The following GPBP1L1 variants were observed in gnomAD, a reference collection of about 807,000 sequenced individuals.
GPBP1L1 encodes GC-rich promoter binding protein 1 like 1.
In GPBP1L1, 23 loss-of-function variants were observed where a neutral mutation model predicts 52.5. The observed-to-expected ratio is 0.44, with a 90% CI of 0.32 to 0.62. The LOEUF (loss-of-function observed/expected upper bound fraction) is 0.62, where lower values mean the gene tolerates loss of function less well. GPBP1L1 is among the 20% of genes least tolerant of loss of function. The pLI, the probability that GPBP1L1 is intolerant of heterozygous loss-of-function variation, is 0.06. For missense variants in GPBP1L1, 596 were observed against 579.3 expected, an observed-to-expected ratio of 1.03 and a Z score of -0.30; for synonymous variants, 243 against 203.1, an observed-to-expected ratio of 1.20 and a Z score of -1.67.
In GPBP1L1 at chr1:45,686,473, T is replaced by G. The variant is rs1279154860; in HGVS notation, c.-1204A>C. The stretch of plus-strand genomic sequence containing the variant: ...TGCGTCTGAGGACGCGTCCCCAGCT[T>G]GTCGACCCGGCAGAGGCGGCTAGTC... On this transcript the variant is annotated 5_prime_UTR_variant, in exon 1 of 13. Transcript: ENST00000355105. 6.6e-6 allele frequency: 1 copy of G among 152,338 alleles called. No homozygotes were observed. Among genetic ancestry groups the G allele is most frequent in the African/African-American group, 2.4e-5 (1 of 41,460 alleles). The allele number at this position is 152,338 out of a possible 1,614,324, so 9.4% of individuals were successfully genotyped here. A position where few individuals can be genotyped will look rare whatever the true frequency, so the allele number is the denominator to read the frequency against.
intron 10 of GPBP1L1, chr1:45,630,822 C>CA (rs1489782973): frequency 3.8e-6 from 2 of 532,286 alleles, no homozygotes; most frequent in Non-Finnish European, 3.4e-6. Context: ...GAACAGCCAA[C>CA]ACAATACTGA....
intron 2 of GPBP1L1, among the ~76,000 whole-genome samples, chr1:45,674,549 A>G (rs1413884683): frequency 6.6e-6 from 1 of 152,206 alleles, no homozygotes; most frequent in Non-Finnish European, 1.5e-5. Flanking sequence ...TCAACTTTAC[A>G]ATATTGTGAG....
At chr1:45,638,281 T>C (rs1222724052) in intron 8 of GPBP1L1, among the ~76,000 whole-genome samples, 1 of 152,214 alleles carries the variant, frequency 6.6e-6, no homozygotes, top group African/African-American at 2.4e-5. Context: ...ACTGCCTATA[T>C]TCTATCTAGT....
rs143740815 is a variant in GPBP1L1 at position 45,640,397 on chromosome 1, G to A, written c.557C>T (p.Pro186Leu). The A allele has an allele frequency of 2.8e-4, 451 of 1,613,266 alleles. No homozygotes were observed. The highest frequency in any genetic ancestry group is 3.2e-4 in the Non-Finnish European group (374 of 1,179,762). Residue 186 changes from proline to leucine, a missense_variant, in exon 8 of 13, where the codon CCG becomes CTG. Coordinates refer to ENST00000355105, the MANE Select transcript of GPBP1L1 (RefSeq NM_021639.5). ...IGTPSGVWEN[P>L]PSAKQPSKML... is the part of the protein sequence containing the mutation. ...CTTGGAGGGTTGCTTGGCACTAGGC[G>A]GGTTTTCTGTGAAGTACAAGAGTGG...
chr1:45,651,466 T>C, intron 6 of GPBP1L1: 2 of 435,920 alleles, frequency 4.6e-6, no homozygotes, highest in South Asian at 4.7e-5. Context: ...GCTGGCAGCT[T>C]TCTTCTCAGC....
At chr1:45,637,541 T>TTTTTTTTTTTTTTTTTTTTTTTTTTG (rs1557696882) in intron 8 of GPBP1L1, among the ~76,000 whole-genome samples, 6 of 149,430 alleles carry the variant, frequency 4.0e-5, no homozygotes, top group South Asian at 2.1e-4. Flanking sequence ...GCCTTTATAT[T>TTTTTTTTTTTTTTTTTTTTTTTTTTG]AGTTTTCCAA....
rs1466854136 is a variant in GPBP1L1 at position 45,660,326 on chromosome 1, T to C, written c.-198A>G. 1 of 985,306 alleles carries C rather than the reference T, an allele frequency of 1.0e-6. No individual in the cohort carries two copies. The highest frequency in any genetic ancestry group is 1.2e-6 in the Non-Finnish European group (1 of 829,912). 61.0% of individuals were successfully genotyped at this position (985,306 alleles called of 1,614,324 possible). A position where few individuals can be genotyped will look rare whatever the true frequency, so the allele number is the denominator to read the frequency against. ...TGAAGCACGAAGAAGCCAGGTTCTG[T>C]GTCGATCACTCTCTCAGTCCCCTCA... On this transcript the variant is annotated 5_prime_UTR_variant, in exon 3 of 13. Transcript: ENST00000355105.
chr1:45,665,511 G>C (rs187044051), intron 2 of GPBP1L1, among the ~76,000 whole-genome samples: 94 of 152,218 alleles, frequency 6.2e-4, no homozygotes, highest in Non-Finnish European at 3.2e-4. Context: ...AGCACTTTGA[G>C]AGTCTGAGGC....
At chr1:45,679,623 A>T (rs116294600) in intron 2 of GPBP1L1, among the ~76,000 whole-genome samples, 3,715 of 152,302 alleles carry the variant, frequency 0.024, 59 homozygotes, top group Middle Eastern at 0.061. Context: ...TAAACAGACA[A>T]AAGAAACAAC....
chr1:45,662,989 T>G (rs1206452637), intron 2 of GPBP1L1, among the ~76,000 whole-genome samples: 1 of 140,990 alleles, frequency 7.1e-6, no homozygotes, highest in South Asian at 2.2e-4. Context: ...AGGCGGAGGT[T>G]ACAGTGAGCC....
intron 2 of GPBP1L1, among the ~76,000 whole-genome samples, chr1:45,683,027 T>C (rs1008169865): frequency 1.3e-5 from 2 of 151,032 alleles, no homozygotes; most frequent in Admixed American, 6.6e-5. Flanking sequence ...TGAACAACCA[T>C]AAATACACCA....
chr1:45,670,879 G>A (rs1569869081), intron 2 of GPBP1L1, among the ~76,000 whole-genome samples: 1 of 137,942 alleles, frequency 7.2e-6, no homozygotes, highest in African/African-American at 2.7e-5. Context: ...TGCAAGCTCC[G>A]CCTCCCAGGT....
intron 1 of GPBP1L1, among the ~76,000 whole-genome samples, 195 bp downstream of exon 1, chr1:45,686,217 G>A (rs1246024715): frequency 6.6e-6 from 1 of 152,248 alleles, no homozygotes; most frequent in Non-Finnish European, 1.5e-5. Flanking sequence ...GCACGGGGGA[G>A]GCGGGGGTGC....
Position 45,659,045 on chromosome 1 carries a change from T to A in GPBP1L1, c.43A>T (p.Thr15Ser). The A allele has an allele frequency of 6.2e-7, 1 of 1,612,192 alleles. No homozygotes were observed. The highest frequency in any genetic ancestry group is 8.5e-7 in the Non-Finnish European group (1 of 1,178,180). Residue 15 changes from threonine (T) to serine (S), a missense_variant, in exon 4 of 13, where the codon ACA becomes TCA. Physicochemically the swap from Thr to Ser is moderately conservative, Grantham distance 58 (BLOSUM62 1). Coordinates refer to ENST00000355105, the MANE Select transcript of GPBP1L1 (RefSeq NM_021639.5). ...DFVPAWLNFS[T>S]PQSAKSPTAT... ...AACAGTACCTTAGCTGACTGTGGTG[T>A]TGAGAAATTTAGCCAAGCAGGAACA...
chr1:45,679,157 T>G (rs1240705327), intron 2 of GPBP1L1, among the ~76,000 whole-genome samples: 1 of 151,740 alleles, frequency 6.6e-6, no homozygotes, highest in Admixed American at 6.6e-5. Flanking sequence ...CTATCACTTT[T>G]GAGAATTGGG....
At chr1:45,630,438 T>TA (rs771695605) in intron 11 of GPBP1L1, 44 bp downstream of exon 11, 187 of 1,604,990 alleles carry the variant, frequency 1.2e-4, no homozygotes, top group Non-Finnish European at 1.5e-4. Context: ...TCAAGGTCCT[T>TA]AAAGGTCAGA....
rs553049503 is a variant in GPBP1L1 at position 45,638,657 on chromosome 1, A to G, written c.744+1553T>C. ...AGTAACTCCCAGTGAATTTATTCAG[A>G]GGGTGAGCACGGTGGCTCACGTCTG... On this transcript the variant is annotated intron_variant, in intron 8 of 12. Transcript: ENST00000355105. 2.0e-5 allele frequency among the ~76,000 whole-genome samples: 3 copies of G among 152,300 alleles called. No individual in the cohort carries two copies. The East Asian group carries it at 5.8e-4, about 29-fold the overall frequency.
At chr1:45,647,797 C>A (rs979074593) in intron 6 of GPBP1L1, among the ~76,000 whole-genome samples, 2 of 152,180 alleles carry the variant, frequency 1.3e-5, no homozygotes, top group Non-Finnish European at 2.9e-5. Context: ...ATTCAGTGAG[C>A]CACAACTGAG....
intron 2 of GPBP1L1, among the ~76,000 whole-genome samples, chr1:45,664,894 G>C (rs1269588148): frequency 6.6e-6 from 1 of 152,054 alleles, no homozygotes; most frequent in Non-Finnish European, 1.5e-5. Flanking sequence ...AGCCAGGTTG[G>C]TCTTGAACTC....
Sources: gnomAD v4.1 joint callset for allele counts (sites outside exome capture counted in the v4.1 genomes callset) on GRCh38, gnomAD v4.1.1 for gene constraint, MANE v1.5 for transcripts, NCBI Gene and HGNC (gene_info 2026-07-23, HGNC 2026-07-21) for gene names.